Variants in SREK1 observed in about 807,000 individuals in gnomAD.
SREK1 encodes the protein splicing regulatory glutamic acid and lysine rich protein 1.
A neutral mutation model predicts 66.5 loss-of-function variants in SREK1; 13 were observed. The ratio of observed to expected loss-of-function variants is 0.20; its 90% CI spans 0.13 to 0.31. SREK1 has a LOEUF of 0.31. SREK1 is among the 10% of genes least tolerant of loss of function. The probability of loss-of-function intolerance (pLI) is 1.00; values close to 1 mark genes in which losing one functional copy is unlikely to be tolerated. For synonymous variants in SREK1, 265 were observed against 263.5 expected, an observed-to-expected ratio of 1.01 and a Z score of -0.05; for missense variants, 607 against 769.6, an observed-to-expected ratio of 0.79 and a Z score of 2.50.
chr5:66,176,826 TA>T (rs1273890872), intron 10 of SREK1, among the ~76,000 whole-genome samples: 4 of 152,148 alleles, frequency 2.6e-5, no homozygotes, highest in Admixed American at 6.6e-5. Context: ...TCTGTATATT[TA>T]TTTTTTTAAT....
chr5:66,170,169 C>T lies in SREK1; in HGVS notation c.1120C>T (p.Arg374Trp), dbSNP rs185065344. The change falls in exon 8 of 12, where the codon CGG becomes TGG. Residue 374 changes from arginine to tryptophan, a missense_variant and splice_region_variant. Transcript: ENST00000334121. ...RRKSRSRSHSRDKRKDTREKI... is the reference protein window; with the variant it reads ...RRKSRSRSHSWDKRKDTREKI... ...GAAGTCAAGGAGTCGTTCGCATTCA[C>T]GGTGAGTTTTAGAGAAATTAACAAT... is the stretch of plus-strand genomic sequence containing the variant. 21 of 1,608,680 alleles carry T rather than the reference C, an allele frequency of 1.3e-5. No homozygotes were observed. The highest frequency in any genetic ancestry group is 2.2e-5 in the East Asian group (1 of 44,802).
At chr5:66,161,189 G>C (rs1211216196) in intron 3 of SREK1, among the ~76,000 whole-genome samples, 3 of 152,146 alleles carry the variant, frequency 2.0e-5, no homozygotes, top group Non-Finnish European at 2.9e-5. Context: ...ATTGTTGACT[G>C]TTAGGAACTC....
chr5:66,156,531 A>ATC, intron 2 of SREK1: 1 of 987,406 alleles, frequency 1.0e-6, no homozygotes, highest in Non-Finnish European at 1.2e-6. Flanking sequence ...TAAAACACTG[A>ATC]TAAGTATCTC....
rs754786677 is a variant in SREK1 at position 66,170,765 on chromosome 5, G to C, written c.1302G>C (p.Glu434Asp). 6.2e-7 allele frequency: 1 copy of C among 1,601,124 alleles called. No individual in the cohort carries two copies. The highest frequency in any genetic ancestry group is 1.1e-5 in the South Asian group (1 of 89,790). ...DREKDKEKDR[E>D]REREKEHEKD... Reference sequence around the variant, plus strand: ...AAAAAGACAAGGAAAAGGACAGAGAGAGAGAACGGGAAAAAGAGCATGAGA... The same window carrying C: ...AAAAAGACAAGGAAAAGGACAGAGACAGAGAACGGGAAAAAGAGCATGAGA... Residue 434 changes from glutamate to aspartate, a missense_variant, in exon 9 of 12, where the codon GAG (glutamate) becomes GAC (aspartate). Coordinates refer to ENST00000334121, the MANE Select transcript of SREK1 (RefSeq NM_001077199.3).
At chr5:66,147,736 T>A (rs1156400508) in intron 1 of SREK1, among the ~76,000 whole-genome samples, 2 of 152,224 alleles carry the variant, frequency 1.3e-5, no homozygotes, top group Non-Finnish European at 2.9e-5. Flanking sequence ...GCACTTGTGA[T>A]CCCACCACTC....
Position 66,153,550 on chromosome 5 carries a change from C to T in SREK1, c.249C>T (p.Asn83=), listed in dbSNP as rs761386922. Residue 83 remains asparagine (N), a synonymous_variant, in exon 2 of 12, where the codon AAC becomes AAT. Transcript: ENST00000334121. ...SSVGVAQHLT[N]TVFIDRALIV... ...TTGGCGTGGCCCAGCATCTAACTAA[C>T]ACGGTTTTTATTGACAGAGCTCTGA... The T allele has an allele frequency of 1.1e-5, 17 of 1,613,972 alleles. No homozygotes were observed. In the Admixed American group the frequency reaches 2.5e-4, roughly 24 times the overall value.
chr5:66,162,667 T>C, intron 5 of SREK1, 75 bp downstream of exon 5: 1 of 1,421,348 alleles, frequency 7.0e-7, no homozygotes, highest in Non-Finnish European at 9.4e-7. Context: ...GAAGGCTTTT[T>C]TTTTCTTTTT....
intron 7 of SREK1, chr5:66,166,121 C>T (rs1465832425): frequency 1.3e-5 from 2 of 152,224 alleles, no homozygotes; most frequent in African/African-American, 4.8e-5. Context: ...CAGCAGAGGC[C>T]AGAATCAGGA....
chr5:66,148,493 AT>A (rs202159114), intron 1 of SREK1, among the ~76,000 whole-genome samples: 1,907 of 152,094 alleles, frequency 0.013, 43 homozygotes, highest in African/African-American at 0.043. Context: ...AAAAGTTTTA[AT>A]TTTTTTTGAA....
At position 66,170,713 on chromosome 5, in the gene SREK1, G is replaced by C; in HGVS notation, c.1250G>C (p.Arg417Pro). The change falls in exon 9 of 12, where the codon CGG becomes CCG. Residue 417 changes from arginine (R) to proline (P), a missense_variant. This residue lies in a region of SREK1 where 318 missense variants were observed against 310.3 expected (regional missense o/e 1.02). Transcript: ENST00000334121. ...AAGGAACGGGGTAAAAACAAAGACC[G>C]GGACAAGGAACGGGAAAAGGACCGG... ...KEKERGKNKD[R>P]DKEREKDREK... 6.2e-7 allele frequency: 1 copy of C among 1,604,334 alleles called. No homozygotes were observed. Among genetic ancestry groups the C allele is most frequent in the Non-Finnish European group, 8.5e-7 (1 of 1,174,846 alleles).
At position 66,144,373 on chromosome 5, in the gene SREK1, C is replaced by G; in HGVS notation, c.-4C>G. The G allele has an allele frequency of 6.5e-7, 1 of 1,539,226 alleles. No homozygotes were observed. ...AGCGGGAAGGCAACGGCAGCGGGAT[C>G]GGGATGAACAGCGGCGGCGGCTTCG... On this transcript the variant is annotated 5_prime_UTR_variant, in exon 1 of 12. The change creates a new upstream start codon in the 5' untranslated region. Coordinates refer to ENST00000334121, the MANE Select transcript of SREK1 (RefSeq NM_001077199.3).
Position 66,170,705 on chromosome 5 carries a change from C to G in SREK1, c.1242C>G (p.Asn414Lys). 2 of 1,606,658 alleles carry G rather than the reference C, an allele frequency of 1.2e-6. No homozygotes were observed. Among genetic ancestry groups the G allele is most frequent in the Non-Finnish European group, 8.5e-7 (1 of 1,176,486 alleles). The stretch of plus-strand genomic sequence containing the variant: ...AAAAAGAAAAGGAACGGGGTAAAAA[C>G]AAAGACCGGGACAAGGAACGGGAAA... Reference protein sequence around the residue: ...EREKEKERGKNKDRDKEREKD... With the variant: ...EREKEKERGKKKDRDKEREKD... The change falls in exon 9 of 12, where the codon AAC (asparagine) becomes AAG (lysine). Residue 414 changes from asparagine to lysine, a missense_variant. Transcript: ENST00000334121.
Position 66,156,029 on chromosome 5 carries a change from G to A in SREK1, c.295+2433G>A. On this transcript the variant is annotated intron_variant, in intron 2 of 11. Coordinates refer to ENST00000334121, the MANE Select transcript of SREK1 (RefSeq NM_001077199.3). ...GGATTTTGACTATTAATTTGGTTTT[G>A]TATGTTTTCTCTATGTGATATTTGT... is the stretch of plus-strand genomic sequence containing the variant. 5 of 1,533,444 alleles carry A rather than the reference G, an allele frequency of 3.3e-6. No individual in the cohort carries two copies. The South Asian group carries it at 4.8e-5, about 15-fold the overall frequency. 95.0% of individuals were successfully genotyped at this position (1,533,444 alleles called of 1,614,324 possible). A position where few individuals can be genotyped will look rare whatever the true frequency, so the allele number is the denominator to read the frequency against.
intron 1 of SREK1, among the ~76,000 whole-genome samples, chr5:66,151,921 C>A (rs186931604): frequency 9.1e-5 from 13 of 143,554 alleles, no homozygotes; most frequent in Non-Finnish European, 1.7e-4. Flanking sequence ...TCTCGGCTCA[C>A]TGCAAGCTCC....
intron 2 of SREK1, chr5:66,157,274 T>C: frequency 6.1e-6 from 6 of 985,276 alleles, no homozygotes; most frequent in Non-Finnish European, 7.2e-6. Context: ...GACTTCATAA[T>C]ACTAAGTAGT....
intron 7 of SREK1, 71 bp downstream of exon 7, chr5:66,164,968 T>G: frequency 7.0e-7 from 1 of 1,429,524 alleles, no homozygotes; most frequent in Non-Finnish European, 9.4e-7. Context: ...TTTTATGAGT[T>G]TTCGTCAAAA....
At chr5:66,148,248 A>G (rs1445429574) in intron 1 of SREK1, among the ~76,000 whole-genome samples, 3 of 152,018 alleles carry the variant, frequency 2.0e-5, no homozygotes, top group Admixed American at 2.0e-4. Flanking sequence ...TGTACATGAT[A>G]CTGTATGCTT....
intron 8 of SREK1, 114 bp downstream of exon 8, chr5:66,170,284 T>C: frequency 7.5e-7 from 1 of 1,326,202 alleles, no homozygotes; most frequent in South Asian, 1.6e-5. Flanking sequence ...TTTAGGTTTT[T>C]AATGAGAGAA....
chr5:66,166,483 C>T (rs1187790705), intron 7 of SREK1: 1 of 151,644 alleles, frequency 6.6e-6, no homozygotes, highest in East Asian at 1.9e-4. Flanking sequence ...TTTTTTTTCC[C>T]CCCCCAAGAT....
Sources: gnomAD v4.1 joint callset for allele counts (sites outside exome capture counted in the v4.1 genomes callset) on GRCh38, gnomAD v4.1.1 for gene constraint, gnomAD v4.1.1 regional missense constraint, MANE v1.5 for transcripts, NCBI Gene and HGNC (gene_info 2026-07-23, HGNC 2026-07-21) for gene names.